The following TMED7 variants were observed in gnomAD, a reference collection of about 807,000 sequenced individuals.
TMED7 encodes the protein transmembrane emp24 domain-containing protein 7.
TMED7 carries 8 observed loss-of-function variants against 23.4 expected under a neutral mutation model. The observed-to-expected ratio is 0.34, with a 90% CI of 0.20 to 0.62. The LOEUF (loss-of-function observed/expected upper bound fraction) is 0.62, where lower values mean the gene tolerates loss of function less well. TMED7 is among the 20% of genes least tolerant of loss of function. The pLI, the probability that TMED7 is intolerant of heterozygous loss-of-function variation, is 0.77. For missense variants in TMED7, 232 were observed against 279.1 expected, an observed-to-expected ratio of 0.83 and a Z score of 1.20; for synonymous variants, 121 against 108.5, an observed-to-expected ratio of 1.12 and a Z score of -0.72.
rs1040253800 is a variant in TMED7 at position 115,616,188 on chromosome 5, G to A, written c.*21C>T. 1 of 1,602,716 alleles carries A rather than the reference G, an allele frequency of 6.2e-7. No homozygotes were observed. The highest frequency in any genetic ancestry group is 1.3e-5 in the African/African-American group (1 of 74,638). On this transcript the variant is annotated 3_prime_UTR_variant, in exon 3 of 3. Coordinates refer to ENST00000456936, the MANE Select transcript of TMED7 (RefSeq NM_181836.6). ...ACAGCAATATTACAGTGGCAATGGT[G>A]CATCAATTCTCAAAACGTAGTTATG...
At chr5:115,623,457 A>G (rs1757103443) in intron 1 of TMED7, among the ~76,000 whole-genome samples, 1 of 152,210 alleles carries the variant, frequency 6.6e-6, no homozygotes, top group Non-Finnish European at 1.5e-5. Context: ...AACTGGTACA[A>G]ACTGCCCCCA....
At chr5:115,618,857 T>TA (rs1358549013) in intron 2 of TMED7, among the ~76,000 whole-genome samples, 1 of 152,150 alleles carries the variant, frequency 6.6e-6, no homozygotes, top group Middle Eastern at 3.2e-3. Flanking sequence ...TATCAACAGG[T>TA]AAAAAATGGT....
At chr5:115,617,568 G>A (rs1756824320) in intron 2 of TMED7, among the ~76,000 whole-genome samples, 1 of 149,548 alleles carries the variant, frequency 6.7e-6, no homozygotes, top group African/African-American at 2.5e-5. Context: ...CCTAATTTGT[G>A]ATGAGGAGCT....
chr5:115,620,366 T>C, intron 2 of TMED7, 69 bp downstream of exon 2: 2 of 1,420,424 alleles, frequency 1.4e-6, no homozygotes, highest in Non-Finnish European at 1.8e-6. Flanking sequence ...AGTTAGTGCA[T>C]GATATTAAAT....
At chr5:115,622,340 T>C (rs563069156) in intron 1 of TMED7, among the ~76,000 whole-genome samples, 1 of 152,222 alleles carries the variant, frequency 6.6e-6, no homozygotes, top group East Asian at 1.9e-4. Flanking sequence ...TGTCCCTATC[T>C]ATCCATATGA....
intron 1 of TMED7, among the ~76,000 whole-genome samples, chr5:115,623,764 CTGA>C (rs1757113199): frequency 1.3e-5 from 2 of 152,196 alleles, no homozygotes; most frequent in Admixed American, 1.3e-4. Context: ...TAAATGTCCC[CTGA>C]TGATCCTTCT....
rs919731457 is a variant in TMED7, at chr5:115,614,063, C to T, written c.*2146G>A. On this transcript the variant is annotated 3_prime_UTR_variant, in exon 3 of 3. Transcript: ENST00000456936. ...AGGATTAAGGAAAAATGATGAGCTA[C>T]AAATTATGTAGTTGGAGGAAGAAAA... 4 of 152,112 alleles carry T rather than the reference C, an allele frequency of 2.6e-5. No individual in the cohort carries two copies. The highest frequency in any genetic ancestry group is 9.7e-5 in the African/African-American group (4 of 41,418). 9.4% of individuals were successfully genotyped at this position (152,112 alleles called of 1,614,324 possible). A position where few individuals can be genotyped will look rare whatever the true frequency, so the allele number is the denominator to read the frequency against.
chr5:115,624,843 G>A (rs547234327), intron 1 of TMED7, among the ~76,000 whole-genome samples: 42 of 152,294 alleles, frequency 2.8e-4, no homozygotes, highest in South Asian at 2.3e-3. Flanking sequence ...GCACAGTTCT[G>A]ATGAATGAGC....
rs562418808 is a variant in TMED7, at chr5:115,613,591, C to A, written c.*2618G>T. The A allele has an allele frequency of 4.5e-4, 69 of 151,970 alleles. No homozygotes were observed. Among genetic ancestry groups the A allele is most frequent in the African/African-American group, 1.5e-3 (64 of 41,480 alleles). The allele number at this position is 151,970 out of a possible 1,614,324, so 9.4% of individuals were successfully genotyped here. The stretch of plus-strand genomic sequence containing the variant: ...TCTTTTCAAAAGTAAATGAAAAACC[C>A]CTCTGAATTATTTATATATTAATTT... On this transcript the variant is annotated 3_prime_UTR_variant, in exon 3 of 3. Coordinates refer to ENST00000456936, the MANE Select transcript of TMED7 (RefSeq NM_181836.6).
intron 2 of TMED7, among the ~76,000 whole-genome samples, chr5:115,618,932 C>T (rs1308839337): frequency 6.6e-6 from 1 of 152,098 alleles, no homozygotes; most frequent in Non-Finnish European, 1.5e-5. Context: ...AACTTACTAG[C>T]TGGTAATTTT....
intron 1 of TMED7, among the ~76,000 whole-genome samples, chr5:115,623,471 C>T (rs1757104094): frequency 6.6e-6 from 1 of 152,110 alleles, no homozygotes; most frequent in African/African-American, 2.4e-5. Flanking sequence ...GCCCCCAAAG[C>T]CCTTGGACTC....
intron 1 of TMED7, among the ~76,000 whole-genome samples, chr5:115,624,408 AT>A (rs1757134170): frequency 6.6e-6 from 1 of 152,084 alleles, no homozygotes; most frequent in East Asian, 1.9e-4. Context: ...AGCCACTATC[AT>A]TTCTTGTCTA....
intron 1 of TMED7, among the ~76,000 whole-genome samples, chr5:115,625,195 G>A (rs1734797363): frequency 6.6e-6 from 1 of 152,174 alleles, no homozygotes; most frequent in Admixed American, 6.5e-5. Context: ...CCTAATATTG[G>A]TAAAACTGAA....
At chr5:115,617,714 G>A (rs1275677474) in intron 2 of TMED7, among the ~76,000 whole-genome samples, 1 of 152,256 alleles carries the variant, frequency 6.6e-6, no homozygotes, top group African/African-American at 2.4e-5. Flanking sequence ...ACTCCTTCAA[G>A]CCTGTCCATG....
intron 1 of TMED7, among the ~76,000 whole-genome samples, chr5:115,621,189 A>T (rs1019840709): frequency 3.3e-5 from 5 of 152,210 alleles, no homozygotes; most frequent in Admixed American, 2.6e-4. Context: ...AGGTAGGCCA[A>T]TCCTTAGGAT....
intron 1 of TMED7, among the ~76,000 whole-genome samples, chr5:115,623,443 G>C (rs1187829623): frequency 1.3e-5 from 2 of 152,152 alleles, no homozygotes; most frequent in Non-Finnish European, 2.9e-5. Flanking sequence ...AAATAATGTT[G>C]ACAAACTGGT....
rs73260556 is a variant in TMED7, at chr5:115,616,590, T to C, written c.439-145A>G. ...GCATTCATTCATACATTTATGCCAG[T>C]TGTCTTTGCAATGAAACCCCCCTGC... On this transcript the variant is annotated intron_variant, in intron 2 of 2. Coordinates refer to ENST00000456936, the MANE Select transcript of TMED7 (RefSeq NM_181836.6). 2,231 of 1,236,504 alleles carry C rather than the reference T, an allele frequency of 1.8e-3. 33 individuals are homozygous for C. In the African/African-American group the frequency reaches 0.031, roughly 17 times the overall value. The allele number at this position is 1,236,504 out of a possible 1,614,324, so 76.6% of individuals were successfully genotyped here. A position where few individuals can be genotyped will look rare whatever the true frequency, so the allele number is the denominator to read the frequency against.
At chr5:115,618,882 T>A (rs1756904501) in intron 2 of TMED7, among the ~76,000 whole-genome samples, 1 of 152,204 alleles carries the variant, frequency 6.6e-6, no homozygotes. Context: ...GTAAAACTTT[T>A]ATCATTTATT....
chr5:115,625,815 C>T lies in TMED7; in HGVS notation c.-23G>A. ...CATCCCGAGAAGGCGGCGGCGGCCT[C>T]AACCGAGCTGCGAGACGCAGGGTCA... On this transcript the variant is annotated 5_prime_UTR_variant, in exon 1 of 3. Coordinates refer to ENST00000456936, the MANE Select transcript of TMED7 (RefSeq NM_181836.6). 2.2e-6 allele frequency: 3 copies of T among 1,392,520 alleles called. No homozygotes were observed. Among genetic ancestry groups the T allele is most frequent in the Non-Finnish European group, 2.8e-6 (3 of 1,079,882 alleles). 86.3% of individuals were successfully genotyped at this position (1,392,520 alleles called of 1,614,324 possible).
Sources: allele counts gnomAD v4.1 joint callset (sites outside exome capture counted in the v4.1 genomes callset), GRCh38; gene constraint gnomAD v4.1.1; transcripts MANE v1.5; gene names NCBI Gene and HGNC (gene_info 2026-07-23, HGNC 2026-07-21).